The following WWOX variants were observed in gnomAD, a reference collection of about 807,000 sequenced individuals.
WWOX encodes the protein WW domain containing oxidoreductase.
In WWOX, 69 loss-of-function variants were observed where a neutral mutation model predicts 46.2. The ratio of observed to expected loss-of-function variants is 1.49; its 90% CI spans 1.23 to 1.82. The LOEUF is 1.82. Ranked by LOEUF, WWOX falls within the 40% of genes most tolerant of loss-of-function variation. WWOX has a pLI of 0.00. For missense variants in WWOX, 919 were observed against 542.6 expected, an observed-to-expected ratio of 1.69 and a Z score of -6.89; for synonymous variants, 359 against 202.6, an observed-to-expected ratio of 1.77 and a Z score of -6.56.
At chr16:79,164,813 C>G (rs1398269724) in intron 8 of WWOX, among the ~76,000 whole-genome samples, 1 of 152,118 alleles carries the variant, frequency 6.6e-6, no homozygotes, top group Non-Finnish European at 1.5e-5. Context: ...ATTCAGGGCC[C>G]TTTGTCATTT....
At chr16:78,234,335 T>C (rs2037367553) in intron 5 of WWOX, among the ~76,000 whole-genome samples, 1 of 152,190 alleles carries the variant, frequency 6.6e-6, no homozygotes, top group Non-Finnish European at 1.5e-5. Flanking sequence ...CTCCCTGTTA[T>C]TACAATGCTG....
chr16:79,074,945 G>A (rs1334435724), intron 8 of WWOX, among the ~76,000 whole-genome samples: 1 of 151,998 alleles, frequency 6.6e-6, no homozygotes, highest in African/African-American at 2.4e-5. Context: ...GTGAGGGAAG[G>A]ACATTGTTTT....
At chr16:78,326,386 A>G (rs1011275608) in intron 5 of WWOX, among the ~76,000 whole-genome samples, 3 of 152,090 alleles carry the variant, frequency 2.0e-5, no homozygotes, top group Non-Finnish European at 4.4e-5. Context: ...CACCCCTATC[A>G]TACTTAGGAA....
At chr16:78,565,602 A>G (rs1400964409) in intron 8 of WWOX, among the ~76,000 whole-genome samples, 1 of 152,192 alleles carries the variant, frequency 6.6e-6, no homozygotes, top group Non-Finnish European at 1.5e-5. Flanking sequence ...AGGGTCCTTA[A>G]TCACATCTTC....
intron 8 of WWOX, chr16:78,899,114 G>C (rs1457420542): frequency 6.6e-6 from 1 of 152,084 alleles, no homozygotes; most frequent in Non-Finnish European, 1.5e-5. Context: ...GCTATAGCCT[G>C]TAGGACAGTG....
chr16:79,103,209 A>C (rs1338080462), intron 8 of WWOX, among the ~76,000 whole-genome samples: 1 of 152,140 alleles, frequency 6.6e-6, no homozygotes, highest in East Asian at 1.9e-4. Context: ...TGACCTATTG[A>C]CTGCAGTGTT....
chr16:78,402,339 T>C (rs1401144528), intron 6 of WWOX, among the ~76,000 whole-genome samples: 1 of 152,244 alleles, frequency 6.6e-6, no homozygotes, highest in Admixed American at 6.5e-5. Flanking sequence ...TGAAAAAAAT[T>C]CCATTATGTA....
intron 8 of WWOX, among the ~76,000 whole-genome samples, chr16:78,766,502 T>G (rs956929570): frequency 1.3e-5 from 2 of 152,320 alleles, no homozygotes; most frequent in East Asian, 1.9e-4. Flanking sequence ...GCAGGAGGGC[T>G]GCTTGAGCTC....
At chr16:78,990,971 CA>C (rs1319221811) in intron 8 of WWOX, among the ~76,000 whole-genome samples, 2 of 152,228 alleles carry the variant, frequency 1.3e-5, no homozygotes, top group African/African-American at 4.8e-5. Flanking sequence ...GTCTTCAGAC[CA>C]AAACCCTGGC....
intron 8 of WWOX, among the ~76,000 whole-genome samples, chr16:78,856,507 G>A (rs866423756): frequency 6.6e-6 from 1 of 152,120 alleles, no homozygotes; most frequent in East Asian, 1.9e-4. Flanking sequence ...GCTGGTTGTG[G>A]TGGTACACCC....
At chr16:79,168,358 A>T (rs1567594697) in intron 8 of WWOX, among the ~76,000 whole-genome samples, 1 of 152,174 alleles carries the variant, frequency 6.6e-6, no homozygotes, top group South Asian at 2.1e-4. Flanking sequence ...TCTGCTTTTA[A>T]TACTTCTGGA....
intron 8 of WWOX, among the ~76,000 whole-genome samples, chr16:78,629,995 TC>T (rs2151657312): frequency 6.6e-6 from 1 of 152,326 alleles, no homozygotes; most frequent in East Asian, 1.9e-4. Flanking sequence ...CCACTTCTCT[TC>T]CCTGCCTTCT....
intron 5 of WWOX, among the ~76,000 whole-genome samples, chr16:78,214,832 CAA>C (rs34240900): frequency 1.2e-3 from 176 of 146,482 alleles, no homozygotes; most frequent in Middle Eastern, 3.6e-3. Context: ...TAAATATTAC[CAA>C]AAAAAAAAAA....
intron 8 of WWOX, among the ~76,000 whole-genome samples, chr16:78,719,241 C>A (rs1374941607): frequency 6.6e-6 from 1 of 152,170 alleles, no homozygotes; most frequent in Non-Finnish European, 1.5e-5. Context: ...CACAGCCTGG[C>A]ATACGAACTT....
At chr16:78,414,031 G>A (rs897954052) in intron 6 of WWOX, among the ~76,000 whole-genome samples, 10 of 151,890 alleles carry the variant, frequency 6.6e-5, no homozygotes, top group African/African-American at 2.2e-4. Flanking sequence ...CATTCCATCA[G>A]TGTGATTTGT....
At chr16:78,962,084 T>C (rs901441907) in intron 8 of WWOX, among the ~76,000 whole-genome samples, 3 of 151,882 alleles carry the variant, frequency 2.0e-5, no homozygotes, top group African/African-American at 7.3e-5. Flanking sequence ...ATAAAGGAGC[T>C]TTGGAAAGGG....
chr16:78,561,198 C>T (rs187359659), intron 8 of WWOX, among the ~76,000 whole-genome samples: 1 of 152,252 alleles, frequency 6.6e-6, no homozygotes, highest in African/African-American at 2.4e-5. Flanking sequence ...CTTTTGGCCC[C>T]CTGCATCTCA....
At chr16:78,928,285 C>T (rs1050832501) in intron 8 of WWOX, among the ~76,000 whole-genome samples, 1 of 150,224 alleles carries the variant, frequency 6.7e-6, no homozygotes, top group African/African-American at 2.5e-5. Context: ...TCACTGCAAG[C>T]TCCGCCTCCC....
At chr16:78,789,789 A>T (rs983327421) in intron 8 of WWOX, among the ~76,000 whole-genome samples, 5 of 152,162 alleles carry the variant, frequency 3.3e-5, no homozygotes. Flanking sequence ...CTTGCAGGAA[A>T]AGCTCATTTT....
Sources: allele counts gnomAD v4.1 joint callset (sites outside exome capture counted in the v4.1 genomes callset), GRCh38; gene constraint gnomAD v4.1.1; transcripts MANE v1.5; gene names NCBI Gene and HGNC (gene_info 2026-07-23, HGNC 2026-07-21).